HLA-DQA2: variants seen among roughly 807,000 people sequenced by gnomAD.
The protein encoded by HLA-DQA2 is HLA class II histocompatibility antigen, DQ alpha 2 chain.
A neutral mutation model predicts 21.0 loss-of-function variants in HLA-DQA2; 17 were observed. The ratio of observed to expected loss-of-function variants is 0.81; its 90% CI spans 0.56 to 1.22. The LOEUF (loss-of-function observed/expected upper bound fraction) is 1.22, where lower values mean the gene tolerates loss of function less well. Among genes scored for constraint, HLA-DQA2 ranks in the 50% most tolerant of loss-of-function variants. The pLI is 0.00. For missense variants in HLA-DQA2, 239 were observed against 308.8 expected, an observed-to-expected ratio of 0.77 and a Z score of 1.69; for synonymous variants, 81 against 116.5, an observed-to-expected ratio of 0.70 and a Z score of 1.96.
rs1763590452 is a variant in HLA-DQA2, at chr6:32,746,315, T to G, written c.689T>G (p.Met230Arg). 1.2e-6 allele frequency: 2 copies of G among 1,612,992 alleles called. No homozygotes were observed. The highest frequency in any genetic ancestry group is 1.7e-5 in the Admixed American group (1 of 60,010). ...GCCCTGGGGTTGTCTGTGGGCCTCATGGGCATTGTGGTGGGCACTGTCTTC... is the reference window on the plus strand; with the variant it reads ...GCCCTGGGGTTGTCTGTGGGCCTCAGGGGCATTGTGGTGGGCACTGTCTTC... ...VCALGLSVGLMGIVVGTVFII... is the reference protein window; with the variant it reads ...VCALGLSVGLRGIVVGTVFII... The change falls in exon 4 of 5, where the codon ATG (methionine) becomes AGG (arginine). Residue 230 changes from methionine (M) to arginine (R), a missense_variant. Transcript: ENST00000374940.
Position 32,745,964 on chromosome 6 carries a change from C to T in HLA-DQA2, c.505C>T (p.His169Tyr), listed in dbSNP as rs759867377. ...SETSFLSKSD[H>Y]SFFKISYLTF... ...GACCAGCTTCCTCTCCAAGAGTGAT[C>T]ATTCCTTCTTCAAGATCAGTTACCT... is the stretch of plus-strand genomic sequence containing the variant. Residue 169 changes from histidine (H) to tyrosine (Y), a missense_variant, in exon 3 of 5, where the codon CAT (histidine) becomes TAT (tyrosine). Physicochemically the swap from His to Tyr is moderately conservative, Grantham distance 83 (BLOSUM62 2). Coordinates refer to ENST00000374940, the MANE Select transcript of HLA-DQA2 (RefSeq NM_020056.5). 7 of 1,613,048 alleles carry T rather than the reference C, an allele frequency of 4.3e-6. No homozygotes were observed. In the East Asian group the frequency reaches 1.6e-4, roughly 36 times the overall value.
At chr6:32,746,557 C>T (rs1396590171) in intron 4 of HLA-DQA2, 25 bp from the exon 5 acceptor site, 7 of 886,576 alleles carry the variant, frequency 7.9e-6, no homozygotes, top group Non-Finnish European at 1.3e-5. Context: ...TCAGACCCAT[C>T]GATCTCATGT....
At position 32,745,332 on chromosome 6, in the gene HLA-DQA2, C is replaced by G. The variant is rs772166760; in HGVS notation, c.256C>G (p.Leu86Val). 15 of 1,587,884 alleles carry G rather than the reference C, an allele frequency of 9.4e-6. No homozygotes were observed. Among genetic ancestry groups the G allele is most frequent in the Non-Finnish European group, 1.2e-5 (14 of 1,166,438 alleles). ...KFISFDPQSA[L>V]RNMAVGKHTL... ...TATAAGTTTTGACCCGCAGAGTGCA[C>G]TGAGAAATATGGCTGTGGGAAAACA... The change falls in exon 2 of 5, where the codon CTG (leucine) becomes GTG (valine). Residue 86 changes from leucine to valine, a missense_variant. By Grantham distance (32) the Leu-to-Val change is conservative. Transcript: ENST00000374940.
chr6:32,744,445 C>T (rs1191623203), intron 1 of HLA-DQA2, among the ~76,000 whole-genome samples: 1 of 145,348 alleles, frequency 6.9e-6, no homozygotes, highest in African/African-American at 2.6e-5. Context: ...AAAGTGGGGG[C>T]AATGACAGAA....
intron 1 of HLA-DQA2, among the ~76,000 whole-genome samples, chr6:32,744,002 GA>G (rs1194013327): frequency 1.5e-4 from 22 of 151,102 alleles, no homozygotes; most frequent in Admixed American, 1.5e-3. Context: ...GACATGAAAG[GA>G]AATGTAGTTT....
chr6:32,742,105 C>T (rs1470515400), intron 1 of HLA-DQA2, among the ~76,000 whole-genome samples: 1 of 152,022 alleles, frequency 6.6e-6, no homozygotes, highest in East Asian at 1.9e-4. Flanking sequence ...GTGGTACTTA[C>T]TCTCTGCTAC....
In HLA-DQA2 at chr6:32,745,997, C is replaced by G. The variant is rs755856546; in HGVS notation, c.538C>G (p.Leu180Val). The change falls in exon 3 of 5, where the codon CTC (leucine) becomes GTC (valine). Residue 180 changes from leucine (L) to valine (V), a missense_variant. Leu to Val is a conservative substitution (Grantham distance 32, BLOSUM62 1). Transcript: ENST00000374940. ...SFFKISYLTF[L>V]PSADEIYDCK... ...CTTCAAGATCAGTTACCTCACCTTC[C>G]TCCCTTCTGCTGATGAGATTTATGA... 1 of 1,612,942 alleles carries G rather than the reference C, an allele frequency of 6.2e-7. No individual in the cohort carries two copies. The highest frequency in any genetic ancestry group is 8.5e-7 in the Non-Finnish European group (1 of 1,180,002).
intron 1 of HLA-DQA2, among the ~76,000 whole-genome samples, chr6:32,743,803 C>G (rs1224018498): frequency 2.6e-5 from 4 of 151,854 alleles, no homozygotes; most frequent in Non-Finnish European, 5.9e-5. Flanking sequence ...GAGGAAAAGA[C>G]AAACTTGGAG....
chr6:32,744,010 GT>G (rs1361912010), intron 1 of HLA-DQA2, among the ~76,000 whole-genome samples: 1 of 151,294 alleles, frequency 6.6e-6, no homozygotes, highest in Non-Finnish European at 1.5e-5. Flanking sequence ...AGGAAATGTA[GT>G]TTGGTTTGAT....
At position 32,746,822 on chromosome 6, in the gene HLA-DQA2, C is replaced by A; in HGVS notation, c.*261C>A. 2.7e-6 allele frequency: 1 copy of A among 374,732 alleles called. No individual in the cohort carries two copies. The highest frequency in any genetic ancestry group is 2.1e-5 in the South Asian group (1 of 47,002). 23.2% of individuals were successfully genotyped at this position (374,732 alleles called of 1,614,324 possible). On this transcript the variant is annotated 3_prime_UTR_variant, in exon 5 of 5. Coordinates refer to ENST00000374940, the MANE Select transcript of HLA-DQA2 (RefSeq NM_020056.5). ...CCTACTAAGGGATGCCTGGGTAAGC[C>A]ACTCAGCTACCTAATTCCTCAATGA...
intron 1 of HLA-DQA2, among the ~76,000 whole-genome samples, chr6:32,744,423 A>C (rs1218707554): frequency 9.9e-6 from 1 of 101,376 alleles, no homozygotes; most frequent in African/African-American, 3.1e-5. Context: ...AACCTCCTTC[A>C]GAGGAAAAAA....
chr6:32,745,195 AGTCTCACG>A lies in HLA-DQA2; in HGVS notation c.123_130del (p.His42LeufsTer7), dbSNP rs1190745170. On this transcript the variant is annotated frameshift_variant, in exon 2 of 5. Transcript: ENST00000374940. LOFTEE classifies it high-confidence loss of function. ...GCCTCCTATGGTGTGAACTTCTACC[AGTCTCACG>A]GTCCCTCTGGCCAGTACACCCATGA... The A allele has an allele frequency of 6.2e-7, 1 of 1,614,116 alleles. No homozygotes were observed. Among genetic ancestry groups the A allele is most frequent in the African/African-American group, 1.3e-5 (1 of 75,042 alleles).
chr6:32,742,146 TA>T (rs1328309571), intron 1 of HLA-DQA2, among the ~76,000 whole-genome samples: 1 of 152,178 alleles, frequency 6.6e-6, no homozygotes, highest in East Asian at 1.9e-4. Flanking sequence ...TATGATCAAA[TA>T]AAATGGGCAT....
chr6:32,742,869 CTT>C (rs28993556), intron 1 of HLA-DQA2, among the ~76,000 whole-genome samples: 41,986 of 139,484 alleles, frequency 0.3, 7,045 homozygotes, highest in East Asian at 0.71. Context: ...AATGTTTTAA[CTT>C]TTTTTTTTTT....
chr6:32,742,513 T>C (rs1763277476), intron 1 of HLA-DQA2, among the ~76,000 whole-genome samples: 1 of 152,174 alleles, frequency 6.6e-6, no homozygotes. Flanking sequence ...CCTGCTCCTT[T>C]ACAGACATGG....
In HLA-DQA2 at chr6:32,747,181, T is replaced by TAAAAAAAAAA. The variant is rs1271369984; in HGVS notation, c.*621_*622insAAAAAAAAAA. ...TGGCTCAGAATGGTTATAGCAGAAA[T>TAAAAAAAAAA]ACAAAAAAAAAAAAAAAGTCTGTAC... On this transcript the variant is annotated 3_prime_UTR_variant, in exon 5 of 5. Transcript: ENST00000374940. The TAAAAAAAAAA allele has an allele frequency of 1.5e-4, 2 of 12,954 alleles. No homozygotes were observed. The highest frequency in any genetic ancestry group is 7.8e-4 in the African/African-American group (2 of 2,574). The allele number at this position is 12,954 out of a possible 1,614,324, so 0.8% of individuals were successfully genotyped here. A position where few individuals can be genotyped will look rare whatever the true frequency, so the allele number is the denominator to read the frequency against.
At chr6:32,745,469 CCTT>C (rs762887313) in intron 2 of HLA-DQA2, 62 bp downstream of exon 2, 47 of 1,477,498 alleles carry the variant, frequency 3.2e-5, no homozygotes, top group Non-Finnish European at 4.0e-5. Flanking sequence ...AGTTTTACTC[CCTT>C]CTTCTCAAGA....
At chr6:32,744,809 T>G (rs893901296) in intron 1 of HLA-DQA2, among the ~76,000 whole-genome samples, 1 of 150,084 alleles carries the variant, frequency 6.7e-6, no homozygotes, top group Non-Finnish European at 1.5e-5. Context: ...ACTGAATCTC[T>G]GAGTAAGAAA....
chr6:32,742,025 C>T (rs1192770538), intron 1 of HLA-DQA2, among the ~76,000 whole-genome samples: 1 of 152,150 alleles, frequency 6.6e-6, no homozygotes, highest in Non-Finnish European at 1.5e-5. Context: ...GGAATTGGCA[C>T]AGGTGGGGAG....
Sources: allele counts gnomAD v4.1 joint callset (sites outside exome capture counted in the v4.1 genomes callset), GRCh38; gene constraint gnomAD v4.1.1; transcripts MANE v1.5; gene names NCBI Gene and HGNC (gene_info 2026-07-23, HGNC 2026-07-21).